ZNF804B: variants seen among roughly 807,000 people sequenced by gnomAD.
ZNF804B encodes the protein zinc finger protein 804B.
In ZNF804B, 80 loss-of-function variants were observed where a neutral mutation model predicts 101.4. The observed-to-expected ratio is 0.79, with a 90% CI of 0.66 to 0.95. The LOEUF (loss-of-function observed/expected upper bound fraction) is 0.95. ZNF804B is among the 40% of genes least tolerant of loss of function. ZNF804B has a pLI of 0.00. For missense variants in ZNF804B, 1,673 were observed against 1,561.9 expected (o/e 1.07, Z -1.20); for synonymous variants, 622 against 558.8 (o/e 1.11, Z -1.59).
At chr7:89,111,242 A>G (rs1016689708) in intron 1 of ZNF804B, among the ~76,000 whole-genome samples, 1 of 152,202 alleles carries the variant, frequency 6.6e-6, no homozygotes, top group African/African-American at 2.4e-5. Context: ...CACCTGGACA[A>G]AGATCAAAGA....
chr7:88,947,311 T>C (rs548612167), intron 1 of ZNF804B, among the ~76,000 whole-genome samples: 49 of 152,128 alleles, frequency 3.2e-4, no homozygotes, highest in Non-Finnish European at 5.4e-4. Context: ...GTGGCATATA[T>C]ACAACATGGA....
intron 2 of ZNF804B, among the ~76,000 whole-genome samples, chr7:89,255,162 G>A (rs1207594358): frequency 6.6e-6 from 1 of 152,074 alleles, no homozygotes; most frequent in Non-Finnish European, 1.5e-5. Flanking sequence ...TCTTCACAGG[G>A]GTGGCAGAAC....
At chr7:88,795,905 G>T (rs1347691724) in intron 1 of ZNF804B, among the ~76,000 whole-genome samples, 2 of 152,044 alleles carry the variant, frequency 1.3e-5, no homozygotes, top group African/African-American at 4.8e-5. Flanking sequence ...TTTTAGTCAG[G>T]TGCATTTGTA....
At chr7:88,977,801 G>A (rs1793636976) in intron 1 of ZNF804B, among the ~76,000 whole-genome samples, 1 of 150,698 alleles carries the variant, frequency 6.6e-6, no homozygotes, top group Non-Finnish European at 1.5e-5. Flanking sequence ...TGGTCTTCTA[G>A]TTCTTTAAGA....
intron 2 of ZNF804B, among the ~76,000 whole-genome samples, chr7:89,265,592 G>A (rs1377237876): frequency 6.6e-6 from 1 of 152,108 alleles, no homozygotes; most frequent in East Asian, 1.9e-4. Flanking sequence ...ATTCTTTCTG[G>A]CATTGTGGAA....
At chr7:89,173,745 T>TATCC (rs67518267) in intron 1 of ZNF804B, among the ~76,000 whole-genome samples, 69 of 151,740 alleles carry the variant, frequency 4.5e-4, no homozygotes, top group African/African-American at 1.5e-3. Context: ...TCCATCCATT[T>TATCC]ATCCATCCAT....
At chr7:89,276,274 GTTACCTA>G (rs1434193865) in intron 2 of ZNF804B, among the ~76,000 whole-genome samples, 1 of 151,748 alleles carries the variant, frequency 6.6e-6, no homozygotes, top group Non-Finnish European at 1.5e-5. Context: ...ATGGCACGTG[GTTACCTA>G]TGGAACAAAC....
intron 1 of ZNF804B, among the ~76,000 whole-genome samples, chr7:88,778,840 C>T (rs1790184659): frequency 6.6e-6 from 1 of 152,142 alleles, no homozygotes; most frequent in African/African-American, 2.4e-5. Flanking sequence ...ATAAGGTATC[C>T]ATGTTGTCTG....
chr7:89,104,496 C>T (rs962757839), intron 1 of ZNF804B, among the ~76,000 whole-genome samples: 2 of 151,830 alleles, frequency 1.3e-5, no homozygotes, highest in African/African-American at 2.4e-5. Flanking sequence ...GAAATTTATC[C>T]ATTTTCCCTA....
At chr7:89,309,778 A>G (rs1584117913) in intron 2 of ZNF804B, among the ~76,000 whole-genome samples, 1 of 64,494 alleles carries the variant, frequency 1.6e-5, no homozygotes. Flanking sequence ...AAAAAAAAAA[A>G]AAAAAAAAAA....
chr7:89,164,133 C>T, intron 1 of ZNF804B, among the ~76,000 whole-genome samples: 1 of 151,814 alleles, frequency 6.6e-6, no homozygotes, highest in Non-Finnish European at 1.5e-5. Context: ...GCTTTGATAA[C>T]ACTACATATT....
At chr7:88,949,656 T>C (rs573117070) in intron 1 of ZNF804B, among the ~76,000 whole-genome samples, 2 of 152,070 alleles carry the variant, frequency 1.3e-5, no homozygotes, top group East Asian at 3.9e-4. Context: ...CTATTATAAA[T>C]GGTGCTTTAA....
chr7:88,820,793 G>T (rs1790965198), intron 1 of ZNF804B, among the ~76,000 whole-genome samples: 1 of 151,974 alleles, frequency 6.6e-6, no homozygotes, highest in African/African-American at 2.4e-5. Flanking sequence ...GGGTAAGGGG[G>T]TGCTGGCAGT....
At chr7:88,926,304 A>AGGCC (rs1792795182) in intron 1 of ZNF804B, among the ~76,000 whole-genome samples, 1 of 151,790 alleles carries the variant, frequency 6.6e-6, no homozygotes, top group South Asian at 2.1e-4. Flanking sequence ...AAATCAAAGG[A>AGGCC]GGCCGGGTGT....
rs1320554420 is a variant in ZNF804B, at chr7:89,336,621, C to T, written c.3639C>T (p.Phe1213=). Residue 1213 remains phenylalanine, a synonymous_variant, in exon 4 of 4, where the codon TTC becomes TTT. Transcript: ENST00000333190. Reference sequence around the variant, plus strand: ...CTATCACCACCATCCACCACACGTTCCTGCAGCATTTTGCTGTTTCTGCTT... The same window carrying T: ...CTATCACCACCATCCACCACACGTTTCTGCAGCATTTTGCTGTTTCTGCTT... ...HTSITTIHHT[F]LQHFAVSASL... 6.2e-7 allele frequency: 1 copy of T among 1,613,976 alleles called. No individual in the cohort carries two copies. Among genetic ancestry groups the T allele is most frequent in the Non-Finnish European group, 8.5e-7 (1 of 1,180,004 alleles).
intron 2 of ZNF804B, among the ~76,000 whole-genome samples, chr7:89,324,607 C>CTTTTTTTTTT (rs35905388): frequency 2.7e-4 from 30 of 109,544 alleles, no homozygotes; most frequent in Admixed American, 3.7e-4. Context: ...TACCTTCTTA[C>CTTTTTTTTTT]TTTTTTTTTT....
intron 1 of ZNF804B, among the ~76,000 whole-genome samples, chr7:88,782,378 C>T (rs1790242022): frequency 6.6e-6 from 1 of 151,864 alleles, no homozygotes; most frequent in African/African-American, 2.4e-5. Context: ...ATAGTTAACC[C>T]CCTGGTTCTT....
intron 1 of ZNF804B, among the ~76,000 whole-genome samples, chr7:88,879,008 T>C (rs112989242): frequency 2.6e-5 from 4 of 152,060 alleles, no homozygotes; most frequent in African/African-American, 9.7e-5. Flanking sequence ...TGCCAGGCAA[T>C]ATTAGGTTCA....
intron 2 of ZNF804B, among the ~76,000 whole-genome samples, chr7:89,239,992 TTCTC>T (rs1176495120): frequency 6.6e-6 from 1 of 151,864 alleles, no homozygotes; most frequent in Non-Finnish European, 1.5e-5. Flanking sequence ...TTAAAATAAA[TTCTC>T]TATTCTTGTG....
Sources: allele counts gnomAD v4.1 joint callset (sites outside exome capture counted in the v4.1 genomes callset), GRCh38; gene constraint gnomAD v4.1.1; transcripts MANE v1.5; gene names NCBI Gene and HGNC (gene_info 2026-07-23, HGNC 2026-07-21).